RBM26: variants seen among roughly 807,000 people sequenced by gnomAD.
RBM26 encodes RNA binding motif protein 26.
RBM26 carries 30 observed loss-of-function variants against 123.6 expected under a neutral mutation model. The observed-to-expected ratio is 0.24, with a 90% CI of 0.18 to 0.33. The LOEUF is 0.33. RBM26 is among the 10% of genes least tolerant of loss of function. The pLI, the probability that RBM26 is intolerant of heterozygous loss-of-function variation, is 1.00. For missense variants in RBM26, 947 were observed against 1,203.6 expected (o/e 0.79, Z 3.15); for synonymous variants, 400 against 404.4 (o/e 0.99, Z 0.13).
At chr13:79,357,525 G>A (rs553606670) in intron 11 of RBM26, among the ~76,000 whole-genome samples, 32 of 152,152 alleles carry the variant, frequency 2.1e-4, no homozygotes, top group African/African-American at 7.7e-4. Flanking sequence ...ACAAATTACT[G>A]TTAGTGTTAC....
At chr13:79,383,860 T>A (rs1451220405) in intron 1 of RBM26, among the ~76,000 whole-genome samples, 1 of 152,158 alleles carries the variant, frequency 6.6e-6, no homozygotes, top group South Asian at 2.1e-4. Flanking sequence ...AAGGAAGGAC[T>A]CTGTTGAAGG....
chr13:79,346,887 A>G (rs995159751), intron 14 of RBM26, among the ~76,000 whole-genome samples: 5 of 152,244 alleles, frequency 3.3e-5, no homozygotes, highest in South Asian at 2.1e-4. Flanking sequence ...TGAGGATTCC[A>G]TAAGTTGAAA....
intron 1 of RBM26, among the ~76,000 whole-genome samples, chr13:79,391,728 C>T (rs2078014295): frequency 6.6e-6 from 1 of 151,952 alleles, no homozygotes; most frequent in African/African-American, 2.4e-5. Context: ...CCAGCCGAAG[C>T]ATTTCTATAT....
Position 79,354,452 on chromosome 13 carries a change from G to A in RBM26, c.1973C>T (p.Ser658Leu). The A allele has an allele frequency of 6.3e-7, 1 of 1,591,180 alleles. No homozygotes were observed. The highest frequency in any genetic ancestry group is 8.6e-7 in the Non-Finnish European group (1 of 1,165,034). The change falls in exon 13 of 22, where the codon TCA (serine) becomes TTA (leucine). Residue 658 changes from serine (S) to leucine (L), a missense_variant. Around this residue, in one of 5 missense-constraint regions of RBM26, gnomAD observed 493 missense variants for 563.1 expected, o/e 0.88. Transcript: ENST00000438737. The stretch of plus-strand genomic sequence containing the variant: ...CCTTTGCTTTACCTGAGGAAGGTCT[G>A]AAGAGGCACTCTGGGCTTCTGCAGG... The part of the protein sequence containing the change: ...IEPAEAQSAS[S>L]DLPQNVTKLS...
chr13:79,385,723 A>G (rs1032399316), intron 1 of RBM26, among the ~76,000 whole-genome samples: 3 of 152,226 alleles, frequency 2.0e-5, no homozygotes, highest in Non-Finnish European at 4.4e-5. Context: ...AAAACTCTCT[A>G]TATTTGTTTG....
intron 10 of RBM26, among the ~76,000 whole-genome samples, chr13:79,359,285 G>A (rs1192325386): frequency 1.3e-5 from 2 of 152,034 alleles, no homozygotes; most frequent in African/African-American, 2.4e-5. Context: ...TGACTATCCT[G>A]TATATAGCTA....
chr13:79,357,190 T>C (rs2074123228), intron 11 of RBM26, among the ~76,000 whole-genome samples: 1 of 152,134 alleles, frequency 6.6e-6, no homozygotes, highest in Non-Finnish European at 1.5e-5. Context: ...TTAAATTCTA[T>C]GTATATATCT....
chr13:79,347,209 T>C (rs1012336935), intron 14 of RBM26, among the ~76,000 whole-genome samples: 5 of 146,350 alleles, frequency 3.4e-5, no homozygotes, highest in African/African-American at 1.3e-4. Flanking sequence ...AACATCCTTC[T>C]GTAAAACTAG....
chr13:79,347,597 T>TG (rs1846598985), intron 14 of RBM26, among the ~76,000 whole-genome samples: 1 of 152,198 alleles, frequency 6.6e-6, no homozygotes, highest in South Asian at 2.1e-4. Context: ...ATTTCTATAT[T>TG]CCAAATGCAT....
intron 10 of RBM26, 26 bp downstream of exon 10, chr13:79,359,549 C>T: frequency 9.8e-7 from 1 of 1,023,994 alleles, no homozygotes; most frequent in Non-Finnish European, 1.5e-6. Context: ...CACAATTATA[C>T]TCCTCAATTT....
intron 5 of RBM26, among the ~76,000 whole-genome samples, chr13:79,369,519 T>C (rs531279410): frequency 2.0e-5 from 3 of 152,158 alleles, no homozygotes; most frequent in African/African-American, 7.2e-5. Flanking sequence ...GAAGTAACAT[T>C]CCATGAAGCC....
At position 79,341,125 on chromosome 13, in the gene RBM26, C is replaced by G. The variant is rs772062749; in HGVS notation, c.2530G>C (p.Glu844Gln). Reference sequence around the variant, plus strand: ...TGTGTAGTTGTGATTAAACATACTTCCAGCTGTAATTCTGTATACTTTCTC... The same window carrying G: ...TGTGTAGTTGTGATTAAACATACTTGCAGCTGTAATTCTGTATACTTTCTC... ...LRRKYTELQL[E>Q]AAKRGILSSG... The change falls in exon 18 of 22, where the codon GAA becomes CAA. Residue 844 changes from glutamate (E) to glutamine (Q), a missense_variant and splice_region_variant. By Grantham distance (29) the Glu-to-Gln change is conservative. This residue lies in a region of RBM26 where 164 missense variants were observed against 215.3 expected (regional missense o/e 0.76). Transcript: ENST00000438737. 6.3e-7 allele frequency: 1 copy of G among 1,582,504 alleles called. No homozygotes were observed. The highest frequency in any genetic ancestry group is 8.7e-7 in the Non-Finnish European group (1 of 1,154,250).
At chr13:79,378,223 TTAAA>T (rs2076805803) in intron 2 of RBM26, among the ~76,000 whole-genome samples, 1 of 152,242 alleles carries the variant, frequency 6.6e-6, no homozygotes, top group Non-Finnish European at 1.5e-5. Context: ...AGTACTGGCT[TTAAA>T]TAAATAGGCA....
At chr13:79,344,599 G>GA (rs1566376666) in intron 15 of RBM26, 70 bp downstream of exon 15, 2 of 1,404,290 alleles carry the variant, frequency 1.4e-6, no homozygotes, top group Admixed American at 2.0e-5. Context: ...AATAAGCACT[G>GA]AAAAAACACA....
chr13:79,375,191 A>G (rs2076577255), intron 3 of RBM26, among the ~76,000 whole-genome samples: 1 of 141,606 alleles, frequency 7.1e-6, no homozygotes, highest in Non-Finnish European at 1.5e-5. Flanking sequence ...TTTTTTTTTG[A>G]GACGGAGTTT....
Position 79,405,690 on chromosome 13 carries a change from C to T in RBM26, c.71+14G>A, listed in dbSNP as rs753846610. On this transcript the variant is annotated intron_variant, in intron 1 of 21. Coordinates refer to ENST00000438737, the MANE Select transcript of RBM26 (RefSeq NM_001366735.2). ...ACTGCCATCCCTGCAAAGAGATATC[C>T]CCCGGATACTCACATGGGCTCGAGA... is the stretch of plus-strand genomic sequence containing the variant. 6 of 1,570,956 alleles carry T rather than the reference C, an allele frequency of 3.8e-6. No individual in the cohort carries two copies.
Position 79,329,421 on chromosome 13 carries a change from C to T in RBM26, c.2820+4923G>A, listed in dbSNP as rs531387751. 4.0e-5 allele frequency among the ~76,000 whole-genome samples: 6 copies of T among 151,786 alleles called. No homozygotes were observed. In the South Asian group the frequency reaches 6.2e-4, roughly 16 times the overall value. On this transcript the variant is annotated intron_variant, in intron 20 of 21. Transcript: ENST00000438737. Reference sequence around the variant, plus strand: ...GATGGTAACATACTTAATAGTAATGCGTACCCCTAGTACCCAAACTGTAGT... The same window carrying T: ...GATGGTAACATACTTAATAGTAATGTGTACCCCTAGTACCCAAACTGTAGT...
At position 79,344,655 on chromosome 13, in the gene RBM26, C is replaced by T; in HGVS notation, c.2184+14G>A. On this transcript the variant is annotated intron_variant, in intron 15 of 21. Coordinates refer to ENST00000438737, the MANE Select transcript of RBM26 (RefSeq NM_001366735.2). ...ATATGCAAAAATTTTTTATACTATA[C>T]CAGTTGTACTTACCTGTTTTTTTTT... 6.2e-7 allele frequency: 1 copy of T among 1,604,360 alleles called. No individual in the cohort carries two copies. Among genetic ancestry groups the T allele is most frequent in the Non-Finnish European group, 8.5e-7 (1 of 1,176,490 alleles).
At position 79,366,133 on chromosome 13, in the gene RBM26, T is replaced by C. The variant is rs200810839; in HGVS notation, c.1198A>G (p.Thr400Ala). The part of the protein sequence containing the change: ...SGMDAPPNSA[T>A]SSVPTVVTTG... ...GTTACTACAGTAGGAACAGAACTGG[T>C]TGCAGAGTTTGGAGGAGCATCCATG... Residue 400 changes from threonine to alanine, a missense_variant, in exon 8 of 22, where the codon ACC (threonine) becomes GCC (alanine). By Grantham distance (58) the Thr-to-Ala change is moderately conservative. Around this residue, in one of 5 missense-constraint regions of RBM26, gnomAD observed 493 missense variants for 563.1 expected, o/e 0.88. Coordinates refer to ENST00000438737, the MANE Select transcript of RBM26 (RefSeq NM_001366735.2). 60 of 1,613,926 alleles carry C rather than the reference T, an allele frequency of 3.7e-5. No homozygotes were observed. Among genetic ancestry groups the C allele is most frequent in the Non-Finnish European group, 4.8e-5 (57 of 1,179,872 alleles).
Sources: gnomAD v4.1 joint callset for allele counts (sites outside exome capture counted in the v4.1 genomes callset) on GRCh38, gnomAD v4.1.1 for gene constraint, gnomAD v4.1.1 regional missense constraint, MANE v1.5 for transcripts, NCBI Gene and HGNC (gene_info 2026-07-23, HGNC 2026-07-21) for gene names.